SLC22A24: variants seen among roughly 807,000 people sequenced by gnomAD.
SLC22A24 encodes steroid transmembrane transporter SLC22A24.
A neutral mutation model predicts 49.8 loss-of-function variants in SLC22A24; 53 were observed. That is an observed-to-expected ratio of 1.06 (90% CI 0.85 to 1.34). SLC22A24 has a LOEUF of 1.34. Ranked by LOEUF, SLC22A24 falls within the 40% of genes most tolerant of loss-of-function variation. The pLI, the probability that SLC22A24 is intolerant of heterozygous loss-of-function variation, is 0.00. For synonymous variants in SLC22A24, 302 were observed against 256.4 expected (o/e 1.18, Z -1.70); for missense variants, 786 against 675.9 (o/e 1.16, Z -1.81).
intron 2 of SLC22A24, among the ~76,000 whole-genome samples, chr11:63,124,308 A>T (rs1189398242): frequency 6.6e-6 from 1 of 152,160 alleles, no homozygotes; most frequent in African/African-American, 2.4e-5. Context: ...CCTGGGGGGA[A>T]GAAAGACAGA....
At chr11:63,122,092 A>G (rs558528448) in intron 2 of SLC22A24, among the ~76,000 whole-genome samples, 1 of 152,210 alleles carries the variant, frequency 6.6e-6, no homozygotes, top group African/African-American at 2.4e-5. Flanking sequence ...TTCATTCATT[A>G]AAAGTACAGA....
Position 63,080,020 on chromosome 11 carries a change from A to T in SLC22A24, c.1599-20T>A. 1.4e-6 allele frequency: 2 copies of T among 1,466,350 alleles called. No individual in the cohort carries two copies. Among genetic ancestry groups the T allele is most frequent in the Non-Finnish European group, 1.9e-6 (2 of 1,069,976 alleles). The allele number at this position is 1,466,350 out of a possible 1,614,324, so 90.8% of individuals were successfully genotyped here. On this transcript the variant is annotated intron_variant, in intron 9 of 9. Transcript: ENST00000612278. ...TTTCTGCTGAGAAATAGAAATGCAA[A>T]CAAAAACAAGATTAAGAAACAAAAA...
intron 4 of SLC22A24, among the ~76,000 whole-genome samples, chr11:63,118,286 C>T (rs1249821865): frequency 2.0e-5 from 3 of 152,064 alleles, no homozygotes; most frequent in East Asian, 3.9e-4. Flanking sequence ...ATGTTAAAAA[C>T]ATCCCAACAT....
chr11:63,118,135 G>A (rs1464309098), intron 4 of SLC22A24, among the ~76,000 whole-genome samples: 1 of 152,096 alleles, frequency 6.6e-6, no homozygotes, highest in Non-Finnish European at 1.5e-5. Context: ...CAGCAGAAAG[G>A]TATAATAATG....
At chr11:63,118,002 G>C (rs1262015033) in intron 4 of SLC22A24, among the ~76,000 whole-genome samples, 1 of 151,916 alleles carries the variant, frequency 6.6e-6, no homozygotes, top group Admixed American at 6.5e-5. Flanking sequence ...AGACAGCTGT[G>C]ACCTCAAAAC....
intron 6 of SLC22A24, among the ~76,000 whole-genome samples, chr11:63,094,400 T>C (rs1443209163): frequency 2.6e-5 from 4 of 152,158 alleles, no homozygotes; most frequent in Admixed American, 2.6e-4. Context: ...TTTAGATTGG[T>C]TCCAAGTCTT....
intron 2 of SLC22A24, among the ~76,000 whole-genome samples, chr11:63,123,343 T>C (rs2134670486): frequency 6.6e-6 from 1 of 152,302 alleles, no homozygotes; most frequent in African/African-American, 2.4e-5. Flanking sequence ...GGTGATCATA[T>C]GGTGAGTTCC....
At chr11:63,125,165 T>G (rs1011884964) in intron 2 of SLC22A24, among the ~76,000 whole-genome samples, 1 of 152,028 alleles carries the variant, frequency 6.6e-6, no homozygotes, top group African/African-American at 2.4e-5. Context: ...ATTAAAAAAT[T>G]TTTTTATTAT....
At chr11:63,125,236 C>A (rs2087281584) in intron 2 of SLC22A24, among the ~76,000 whole-genome samples, 2 of 152,034 alleles carry the variant, frequency 1.3e-5, no homozygotes, top group Non-Finnish European at 2.9e-5. Flanking sequence ...TGTACAAGTG[C>A]CATGGTGGTT....
At chr11:63,083,826 G>T (rs553392674) in intron 6 of SLC22A24, among the ~76,000 whole-genome samples, 15 of 152,296 alleles carry the variant, frequency 9.8e-5, no homozygotes, top group African/African-American at 3.6e-4. Flanking sequence ...TGATATAAAT[G>T]ATTGGACATG....
In SLC22A24 at chr11:63,143,434, A is replaced by T; in HGVS notation, c.346T>A (p.Cys116Ser). The change falls in exon 1 of 10, where the codon TGT (cysteine) becomes AGT (serine). Residue 116 changes from cysteine (C) to serine (S), a missense_variant. Cys to Ser is a moderately radical substitution (Grantham distance 112, BLOSUM62 -1). Transcript: ENST00000612278. Reference sequence around the variant, plus strand: ...CTGTCGTACACCCAGCCATCCACACAGGGCTCCGTGTCTGGCTCATTTGTG... The same window carrying T: ...CTGTCGTACACCCAGCCATCCACACTGGGCTCCGTGTCTGGCTCATTTGTG... ...PNTNEPDTEP[C>S]VDGWVYDRSS... The T allele has an allele frequency of 6.4e-7, 1 of 1,555,576 alleles. No homozygotes were observed.
intron 4 of SLC22A24, among the ~76,000 whole-genome samples, chr11:63,108,952 C>T (rs1207190195): frequency 2.1e-5 from 3 of 142,432 alleles, no homozygotes; most frequent in Admixed American, 7.1e-5. Flanking sequence ...CCCACTAACT[C>T]GTCATCTAGC....
Position 63,143,850 on chromosome 11 carries a change from G to A in SLC22A24, c.-71C>T, listed in dbSNP as rs972147664. 5.6e-6 allele frequency: 7 copies of A among 1,239,440 alleles called. No individual in the cohort carries two copies. The highest frequency in any genetic ancestry group is 7.2e-6 in the Non-Finnish European group (7 of 973,162). The allele number at this position is 1,239,440 out of a possible 1,614,324, so 76.8% of individuals were successfully genotyped here. On this transcript the variant is annotated 5_prime_UTR_variant, in exon 1 of 10. Coordinates refer to ENST00000612278, the MANE Select transcript of SLC22A24 (RefSeq NM_001136506.2). Reference sequence around the variant, plus strand: ...GAAGAGAAGTTCAGAGGGAGAAAATGTCCCCTTTCACAAAGTTACCATAGT... The same window carrying A: ...GAAGAGAAGTTCAGAGGGAGAAAATATCCCCTTTCACAAAGTTACCATAGT...
At chr11:63,129,295 G>T (rs1271856429) in intron 2 of SLC22A24, among the ~76,000 whole-genome samples, 3 of 152,136 alleles carry the variant, frequency 2.0e-5, no homozygotes, top group Non-Finnish European at 4.4e-5. Context: ...TAGACGTGTG[G>T]TGTTATTTCT....
chr11:63,088,547 C>T (rs2087000984), intron 6 of SLC22A24, among the ~76,000 whole-genome samples: 1 of 152,096 alleles, frequency 6.6e-6, no homozygotes, highest in Non-Finnish European at 1.5e-5. Flanking sequence ...CAACTCCTCT[C>T]CAGCAAGGGA....
chr11:63,080,481 A>G (rs1007558186), intron 9 of SLC22A24, among the ~76,000 whole-genome samples: 1 of 152,154 alleles, frequency 6.6e-6, no homozygotes, highest in African/African-American at 2.4e-5. Flanking sequence ...TCTTTGACTG[A>G]AGCAATAATT....
At chr11:63,133,100 G>T (rs574678321) in intron 2 of SLC22A24, among the ~76,000 whole-genome samples, 1 of 152,162 alleles carries the variant, frequency 6.6e-6, no homozygotes, top group African/African-American at 2.4e-5. Context: ...AAGGCTCAGT[G>T]GGCATGGGAC....
intron 2 of SLC22A24, among the ~76,000 whole-genome samples, chr11:63,130,076 A>C (rs1387774749): frequency 6.6e-6 from 1 of 152,174 alleles, no homozygotes; most frequent in African/African-American, 2.4e-5. Context: ...GAATGCTTCC[A>C]GTTTTTGCCC....
At chr11:63,136,246 G>A (rs1267054864) in intron 1 of SLC22A24, among the ~76,000 whole-genome samples, 2 of 151,952 alleles carry the variant, frequency 1.3e-5, no homozygotes, top group African/African-American at 4.8e-5. Context: ...AAACTTGCAC[G>A]AAAAAAAGGT....
Sources: gnomAD v4.1 joint callset for allele counts (sites outside exome capture counted in the v4.1 genomes callset) on GRCh38, gnomAD v4.1.1 for gene constraint, MANE v1.5 for transcripts, NCBI Gene and HGNC (gene_info 2026-07-23, HGNC 2026-07-21) for gene names.